BIN1: variants seen among roughly 807,000 people sequenced by gnomAD.
BIN1 encodes the protein bridging integrator 1, also known as myc box-dependent-interacting protein 1.
A neutral mutation model predicts 82.0 loss-of-function variants in BIN1; 53 were observed. The observed-to-expected ratio is 0.65, with a 90% confidence interval of 0.52 to 0.81. The LOEUF (loss-of-function observed/expected upper bound fraction) is 0.81, where lower values mean the gene tolerates loss of function less well. Ranked by LOEUF, BIN1 falls within the 40% of genes least tolerant of loss-of-function variation. The probability of loss-of-function intolerance (pLI) is 0.00; values close to 1 mark genes in which losing one functional copy is unlikely to be tolerated. For missense variants in BIN1, 642 were observed against 784.4 expected, an observed-to-expected ratio of 0.82 and a Z score of 2.17; for synonymous variants, 302 against 328.0, an observed-to-expected ratio of 0.92 and a Z score of 0.86.
chr2:127,061,336 C>T (rs1461813430), intron 10 of BIN1, among the ~76,000 whole-genome samples: 3 of 152,134 alleles, frequency 2.0e-5, no homozygotes, highest in African/African-American at 7.2e-5. Context: ...ATCACCACCA[C>T]CCGATACCCT....
chr2:127,068,100 G>A lies in BIN1; in HGVS notation c.612+63C>T. On this transcript the variant is annotated intron_variant, in intron 7 of 18. Coordinates refer to ENST00000316724, the MANE Select transcript of BIN1 (RefSeq NM_139343.3). The surrounding 1 kb of genome is among the most constrained non-coding windows in gnomAD (Gnocchi z 4.9). Reference sequence around the variant, plus strand: ...TGCCAGCCCTGCATTCCACCGCAGGGCGAGAGGACAGGACGACAGACCGGA... The same window carrying A: ...TGCCAGCCCTGCATTCCACCGCAGGACGAGAGGACAGGACGACAGACCGGA... 2.0e-6 allele frequency: 3 copies of A among 1,521,114 alleles called. No individual in the cohort carries two copies. The South Asian group carries it at 3.5e-5, about 18-fold the overall frequency. 94.2% of individuals were successfully genotyped at this position (1,521,114 alleles called of 1,614,324 possible).
chr2:127,050,668 C>T, intron 17 of BIN1, 134 bp downstream of exon 17: 1 of 1,326,608 alleles, frequency 7.5e-7, no homozygotes, highest in Non-Finnish European at 1.1e-6. Flanking sequence ...GCTCAGATGC[C>T]ACCTTGCTGG....
At chr2:127,053,656 T>C (rs910187551) in intron 13 of BIN1, 2 of 750,284 alleles carry the variant, frequency 2.7e-6, no homozygotes. Context: ...GCCAGGATGC[T>C]TCTGCCCCAA....
chr2:127,065,576 G>T (rs1044332255), intron 7 of BIN1, among the ~76,000 whole-genome samples: 2 of 152,216 alleles, frequency 1.3e-5, no homozygotes, highest in Non-Finnish European at 2.9e-5. Flanking sequence ...TGCCAACAGT[G>T]GGTCTAAAGT....
intron 7 of BIN1, among the ~76,000 whole-genome samples, chr2:127,065,545 C>T (rs1382746612): frequency 3.3e-5 from 5 of 152,158 alleles, no homozygotes; most frequent in Admixed American, 3.3e-4. Flanking sequence ...AGCACCATCA[C>T]ACATACCCCC....
chr2:127,095,699 G>A (rs1419675986), intron 1 of BIN1, among the ~76,000 whole-genome samples: 2 of 152,256 alleles, frequency 1.3e-5, no homozygotes, highest in Admixed American at 6.5e-5. Context: ...AGGCCCAAGA[G>A]GAAGGGAATC....
chr2:127,085,483 C>T (rs1678012054), intron 1 of BIN1, among the ~76,000 whole-genome samples: 1 of 152,212 alleles, frequency 6.6e-6, no homozygotes, highest in African/African-American at 2.4e-5. Flanking sequence ...CACGCTCACA[C>T]ACACCCTCCC....
At chr2:127,103,978 C>T (rs112353282) in intron 1 of BIN1, among the ~76,000 whole-genome samples, 4 of 152,332 alleles carry the variant, frequency 2.6e-5, no homozygotes, top group African/African-American at 9.6e-5. Context: ...CCCTGGCAAC[C>T]CTTCCAATTT....
At chr2:127,062,036 G>T in intron 10 of BIN1, 79 bp downstream of exon 10, 1 of 1,499,620 alleles carries the variant, frequency 6.7e-7, no homozygotes, top group Non-Finnish European at 9.0e-7. Context: ...ACCAGGGAGG[G>T]CACCAACAGG....
chr2:127,061,819 C>T (rs1684531629), intron 10 of BIN1, among the ~76,000 whole-genome samples: 1 of 152,124 alleles, frequency 6.6e-6, no homozygotes, highest in African/African-American at 2.4e-5. Flanking sequence ...AGCAGGCTGC[C>T]CACCCCAACC....
At chr2:127,070,406 G>C in intron 4 of BIN1, 147 bp downstream of exon 4, 1 of 959,628 alleles carries the variant, frequency 1.0e-6, no homozygotes, top group African/African-American at 1.6e-5. Flanking sequence ...AAGGCCCTCA[G>C]AGAGGGAGGG....
At chr2:127,080,368 G>T (rs1356573909) in intron 1 of BIN1, among the ~76,000 whole-genome samples, 5 of 152,260 alleles carry the variant, frequency 3.3e-5, no homozygotes, top group Non-Finnish European at 7.3e-5. Context: ...TGGCCCAGCA[G>T]CGACTAAGGA....
intron 5 of BIN1, among the ~76,000 whole-genome samples, 158 bp from the exon 6 acceptor site, chr2:127,069,189 C>T (rs946386686): frequency 2.0e-5 from 3 of 152,178 alleles, no homozygotes; most frequent in African/African-American, 4.8e-5. Context: ...TGGCAGAGAG[C>T]TCACCCCCTC....
At chr2:127,072,519 G>T (rs1642498733) in intron 2 of BIN1, among the ~76,000 whole-genome samples, 1 of 152,106 alleles carries the variant, frequency 6.6e-6, no homozygotes, top group Non-Finnish European at 1.5e-5. Context: ...AGAACCCACA[G>T]ATCTGCCTAT....
intron 13 of BIN1, 85 bp downstream of exon 13, chr2:127,053,820 G>T: frequency 7.5e-7 from 1 of 1,327,214 alleles, no homozygotes; most frequent in Non-Finnish European, 1.1e-6. Context: ...GCCTAGCTGG[G>T]GTCACGTGGC....
chr2:127,072,762 G>A (rs969671759), intron 2 of BIN1, among the ~76,000 whole-genome samples: 2 of 152,100 alleles, frequency 1.3e-5, no homozygotes, highest in East Asian at 1.9e-4. Context: ...ACTGCTCCAC[G>A]GACACTGAGA....
In BIN1 at chr2:127,052,240, G is replaced by C; in HGVS notation, c.1371+15C>G. The C allele has an allele frequency of 6.4e-7, 1 of 1,561,656 alleles. No individual in the cohort carries two copies. Among genetic ancestry groups the C allele is most frequent in the Non-Finnish European group, 8.7e-7 (1 of 1,152,186 alleles). On this transcript the variant is annotated intron_variant, in intron 15 of 18. Coordinates refer to ENST00000316724, the MANE Select transcript of BIN1 (RefSeq NM_139343.3). ...CTGGGGACAAGCCAGACAGGGGCTG[G>C]AGGTGGGCACTTACTTGGGCAGGCC...
intron 8 of BIN1, 142 bp from the exon 9 acceptor site, chr2:127,063,788 A>ACACCGCAG: frequency 7.2e-7 from 1 of 1,381,824 alleles, no homozygotes; most frequent in South Asian, 1.2e-5. Flanking sequence ...CTCAGGCTGG[A>ACACCGCAG]CACTGCAGCA....
rs964789686 is a variant in BIN1, at chr2:127,054,101, A to C, written c.1132-89T>G. The C allele has an allele frequency of 3.8e-6, 4 of 1,039,586 alleles. No individual in the cohort carries two copies. In the African/African-American group the frequency reaches 6.3e-5, roughly 16 times the overall value. 64.4% of individuals were successfully genotyped at this position (1,039,586 alleles called of 1,614,324 possible). ...AGGCAGACACTGCAGGCACAGGCAC[A>C]CGCGTGGACACACACACATACACAC... On this transcript the variant is annotated intron_variant, in intron 12 of 18. Transcript: ENST00000316724.
Sources: gnomAD v4.1 joint callset for allele counts (sites outside exome capture counted in the v4.1 genomes callset) on GRCh38, gnomAD v4.1.1 for gene constraint, Gnocchi (gnomAD v3.1) non-coding constraint, MANE v1.5 for transcripts, NCBI Gene and HGNC (gene_info 2026-07-23, HGNC 2026-07-21) for gene names.